Variants in UPP2 observed in about 807,000 individuals in gnomAD.
UPP2 encodes the protein UPase 2.
In UPP2, 23 loss-of-function variants were observed where a neutral mutation model predicts 26.7. The observed-to-expected ratio is 0.86, with a 90% CI of 0.62 to 1.22. The LOEUF (loss-of-function observed/expected upper bound fraction) is 1.22, where lower values mean the gene tolerates loss of function less well. Ranked by LOEUF, UPP2 falls within the 50% of genes most tolerant of loss-of-function variation. UPP2 has a pLI of 0.00. For missense variants in UPP2, 387 were observed against 396.7 expected (o/e 0.98, Z 0.21); for synonymous variants, 127 against 141.3 (o/e 0.90, Z 0.72).
chr2:158,102,658 T>G (rs993958196), intron 1 of UPP2, among the ~76,000 whole-genome samples: 1 of 152,168 alleles, frequency 6.6e-6, no homozygotes, highest in African/African-American at 2.4e-5. Flanking sequence ...CAAATTTAGC[T>G]CCAGTTCCTG....
At chr2:158,120,561 T>C (rs1005562932) in intron 4 of UPP2, among the ~76,000 whole-genome samples, 1 of 151,932 alleles carries the variant, frequency 6.6e-6, no homozygotes, top group African/African-American at 2.4e-5. Context: ...GATAAACAAA[T>C]GGGTAATTAT....
chr2:158,085,072 T>C (rs1682792011), intron 3 of UPP2, among the ~76,000 whole-genome samples: 1 of 152,168 alleles, frequency 6.6e-6, no homozygotes, highest in African/African-American at 2.4e-5. Flanking sequence ...AGTTTGAAGA[T>C]TGCTTTTGGC....
At chr2:158,088,027 A>T (rs1009947304) in intron 3 of UPP2, among the ~76,000 whole-genome samples, 1 of 152,152 alleles carries the variant, frequency 6.6e-6, no homozygotes, top group African/African-American at 2.4e-5. Flanking sequence ...TGGAGTCTAG[A>T]TCGCTTACAA....
intron 4 of UPP2, among the ~76,000 whole-genome samples, chr2:158,118,309 G>T (rs1203064792): frequency 6.6e-6 from 1 of 151,686 alleles, no homozygotes; most frequent in Non-Finnish European, 1.5e-5. Context: ...TCATAAAAAT[G>T]TCCCAGTTTT....
intron 3 of UPP2, among the ~76,000 whole-genome samples, chr2:158,057,137 T>G (rs73003295): frequency 8.3e-4 from 127 of 152,330 alleles, no homozygotes; most frequent in African/African-American, 3.0e-3. Context: ...GGGTACACAG[T>G]GTCAACAAGA....
chr2:158,066,039 G>T, intron 3 of UPP2: 1 of 314,528 alleles, frequency 3.2e-6, no homozygotes, highest in South Asian at 3.7e-5. Context: ...AGACTCCAGT[G>T]GTCATAGATA....
At chr2:158,022,961 G>A (rs1214244595) in intron 3 of UPP2, among the ~76,000 whole-genome samples, 1 of 152,158 alleles carries the variant, frequency 6.6e-6, no homozygotes, top group Non-Finnish European at 1.5e-5. Flanking sequence ...GAATGGTGGA[G>A]TCTCAGAGCA....
chr2:158,069,925 A>G (rs1436907021), intron 3 of UPP2, among the ~76,000 whole-genome samples: 1 of 152,012 alleles, frequency 6.6e-6, no homozygotes, highest in Non-Finnish European at 1.5e-5. Flanking sequence ...TTGTATCCTC[A>G]CATGGAGAAC....
chr2:158,012,021 ACT>A (rs1683586919), intron 2 of UPP2, among the ~76,000 whole-genome samples: 6 of 152,042 alleles, frequency 3.9e-5, no homozygotes, highest in South Asian at 4.2e-4. Context: ...GTTTTCATCT[ACT>A]TGACTCAGTG....
chr2:158,066,425 C>A (rs1246839970), intron 3 of UPP2, among the ~76,000 whole-genome samples: 2 of 152,320 alleles, frequency 1.3e-5, no homozygotes, highest in East Asian at 3.9e-4. Context: ...AGATTAGGTG[C>A]CACCCGGCAC....
intron 6 of UPP2, among the ~76,000 whole-genome samples, chr2:158,132,365 A>G (rs903103009): frequency 6.6e-6 from 1 of 152,164 alleles, no homozygotes; most frequent in Non-Finnish European, 1.5e-5. Context: ...GAAGGTAGAG[A>G]ACTCTTCTCT....
chr2:158,072,382 C>T (rs902256703), intron 3 of UPP2, among the ~76,000 whole-genome samples: 8 of 152,180 alleles, frequency 5.3e-5, no homozygotes, highest in Non-Finnish European at 1.0e-4. Context: ...CATCTCTGTA[C>T]CTGCCAAGGG....
chr2:158,065,781 C>T, intron 3 of UPP2: 1 of 696,126 alleles, frequency 1.4e-6, no homozygotes. Context: ...ACCATCCAAC[C>T]AGATTGATGA....
intron 2 of UPP2, among the ~76,000 whole-genome samples, chr2:158,002,568 A>G (rs1010580530): frequency 1.3e-5 from 2 of 152,252 alleles, no homozygotes; most frequent in Non-Finnish European, 2.9e-5. Flanking sequence ...TGAGACAGGT[A>G]GGTGATTCAG....
At chr2:158,115,285 C>G (rs375852267) in intron 3 of UPP2, 26 bp downstream of exon 3, 1 of 1,574,862 alleles carries the variant, frequency 6.3e-7, no homozygotes, top group Non-Finnish European at 8.6e-7. Context: ...TGCATTTCAG[C>G]TAGTCATTGC....
intron 3 of UPP2, among the ~76,000 whole-genome samples, chr2:158,060,097 T>G (rs1282544351): frequency 1.3e-5 from 2 of 152,106 alleles, no homozygotes; most frequent in Non-Finnish European, 2.9e-5. Flanking sequence ...CATGCATGTG[T>G]GTACACACAT....
rs1558932173 is a variant in UPP2 at position 158,104,989 on chromosome 2, AGGGAAGGGAG to A, written c.63-1105_63-1096del. ...AGGGAAGGGAAGGGAAGAGAAGGGAAGGGAAGGGAGGGGAGGGGAGGGGAGGGGAGGGGAG... is the reference window on the plus strand; with the variant it reads ...AGGGAAGGGAAGGGAAGAGAAGGGAAGGGAGGGGAGGGGAGGGGAGGGGAG... On this transcript the variant is annotated intron_variant, in intron 1 of 6. Coordinates refer to ENST00000005756, the MANE Select transcript of UPP2 (RefSeq NM_173355.4). Among the ~76,000 whole-genome samples, 45 of 32,542 alleles carry A rather than the reference AGGGAAGGGAG, an allele frequency of 1.4e-3. 2 individuals carry two copies. The highest frequency in any genetic ancestry group is 0.053 in the Middle Eastern group (2 of 38). 21.3% of individuals were successfully genotyped at this position (32,542 alleles called of 152,430 possible).
intron 4 of UPP2, among the ~76,000 whole-genome samples, chr2:158,120,423 A>T (rs1683539600): frequency 6.6e-6 from 1 of 152,078 alleles, no homozygotes. Flanking sequence ...TCTTTGTGAA[A>T]ACATTCACTC....
At chr2:158,025,029 C>A (rs1030166654) in intron 3 of UPP2, among the ~76,000 whole-genome samples, 10 of 151,742 alleles carry the variant, frequency 6.6e-5, no homozygotes, top group Admixed American at 3.3e-4. Flanking sequence ...TGGTGAAACC[C>A]CGTCTCTACA....
Sources: allele counts gnomAD v4.1 joint callset (sites outside exome capture counted in the v4.1 genomes callset), GRCh38; gene constraint gnomAD v4.1.1; transcripts MANE v1.5; gene names NCBI Gene and HGNC (gene_info 2026-07-23, HGNC 2026-07-21).